The following MTERF1 variants were observed in gnomAD, a reference collection of about 807,000 sequenced individuals.
The protein encoded by MTERF1 is mitochondrial transcription termination factor 1.
MTERF1 carries 29 observed loss-of-function variants against 31.6 expected under a neutral mutation model. The observed-to-expected ratio is 0.92, with a 90% CI of 0.68 to 1.25. MTERF1 has a LOEUF of 1.25. MTERF1 is among the 50% of genes most tolerant of loss of function. MTERF1 has a pLI of 0.00. For synonymous variants in MTERF1, 152 were observed against 164.1 expected (o/e 0.93, Z 0.57); for missense variants, 500 against 469.1 (o/e 1.07, Z -0.61).
At chr7:91,875,690 GA>G (rs1789330005) in intron 2 of MTERF1, among the ~76,000 whole-genome samples, 1 of 151,964 alleles carries the variant, frequency 6.6e-6, no homozygotes, top group Non-Finnish European at 1.5e-5. Flanking sequence ...ATCTAGCCCT[GA>G]AAACCAACAC....
At position 91,873,007 on chromosome 7, in the gene MTERF1, A is replaced by C. The variant is rs1789220705; in HGVS notation, c.*587T>G. ...TTCCAGAAGGGTAGGTAGATTTTTT[A>C]AATATAATTACTCTTATAAAAGGAA... On this transcript the variant is annotated 3_prime_UTR_variant, in exon 3 of 3. Transcript: ENST00000351870. 1 of 152,230 alleles carries C rather than the reference A, an allele frequency of 6.6e-6. No individual in the cohort carries two copies. Among genetic ancestry groups the C allele is most frequent in the African/African-American group, 2.4e-5 (1 of 41,456 alleles). The allele number at this position is 152,230 out of a possible 1,614,324, so 9.4% of individuals were successfully genotyped here.
intron 1 of MTERF1, 32 bp from the exon 2 acceptor site, chr7:91,880,145 C>G (rs990486585): frequency 3.8e-6 from 6 of 1,566,074 alleles, no homozygotes; most frequent in Non-Finnish European, 5.2e-6. Flanking sequence ...AAAAAAAAGG[C>G]AAAATATTTC....
intron 2 of MTERF1, chr7:91,876,833 C>A (rs1789357855): frequency 1.1e-6 from 1 of 894,656 alleles, no homozygotes; most frequent in African/African-American, 1.8e-5. Flanking sequence ...AATTTAGAAA[C>A]TTTAAAATAT....
chr7:91,874,860 G>C, intron 2 of MTERF1, 96 bp from the exon 3 acceptor site: 4 of 836,976 alleles, frequency 4.8e-6, no homozygotes, highest in Non-Finnish European at 7.3e-6. Flanking sequence ...TCATTTCTAT[G>C]AGAATATACC....
Position 91,874,234 on chromosome 7 carries a change from C to T in MTERF1, c.560G>A (p.Gly187Glu). The change falls in exon 3 of 3, where the codon GGA becomes GAA. Residue 187 changes from glycine (G) to glutamate (E), a missense_variant. By Grantham distance (98) the Gly-to-Glu change is moderately conservative (BLOSUM62 -2). Coordinates refer to ENST00000351870, the MANE Select transcript of MTERF1 (RefSeq NM_006980.5). The part of the protein sequence containing the change: ...ENNIKFLYSV[G>E]LTRKCLCRLL... ...TCGACAAAGGCATTTACGGGTCAAT[C>T]CAACTGAGTAGAGGAACTTTATATT... is the stretch of plus-strand genomic sequence containing the variant. 6.2e-7 allele frequency: 1 copy of T among 1,614,038 alleles called. No homozygotes were observed. The highest frequency in any genetic ancestry group is 1.1e-5 in the South Asian group (1 of 91,070).
At chr7:91,877,089 A>G (rs1789363916) in intron 2 of MTERF1, 1 of 199,064 alleles carries the variant, frequency 5.0e-6, no homozygotes, top group Admixed American at 6.5e-5. Flanking sequence ...TTTATAATAT[A>G]AACAATATGA....
rs899392072 is a variant in MTERF1 at position 91,871,842 on chromosome 7, C to T, written c.*1752G>A. 1 of 152,116 alleles carries T rather than the reference C, an allele frequency of 6.6e-6. No individual in the cohort carries two copies. Among genetic ancestry groups the T allele is most frequent in the Admixed American group, 6.5e-5 (1 of 15,268 alleles). The allele number at this position is 152,116 out of a possible 1,614,324, so 9.4% of individuals were successfully genotyped here. A position where few individuals can be genotyped will look rare whatever the true frequency, so the allele number is the denominator to read the frequency against. ...CAAAACTCATGTTGAAATTTAATCC[C>T]CAATGTGGCAGTATTGAGAGGTGGG... On this transcript the variant is annotated 3_prime_UTR_variant, in exon 3 of 3. Coordinates refer to ENST00000351870, the MANE Select transcript of MTERF1 (RefSeq NM_006980.5).
In MTERF1 at chr7:91,876,587, T is replaced by A. The variant is rs145359523; in HGVS notation, c.30-1823A>T. Among the ~76,000 whole-genome samples the A allele has an allele frequency of 7.6e-4, 116 of 152,372 alleles. 1 individual carries two copies. Among genetic ancestry groups the A allele is most frequent in the Non-Finnish European group, 1.0e-4 (7 of 68,042 alleles). On this transcript the variant is annotated intron_variant, in intron 2 of 2. Transcript: ENST00000351870. ...ATTTTAACTAGAACTTGATTATGCCTACAGGCAGGGAACATTCCTGTGGCT... is the reference window on the plus strand; with the variant it reads ...ATTTTAACTAGAACTTGATTATGCCAACAGGCAGGGAACATTCCTGTGGCT...
Position 91,872,788 on chromosome 7 carries a change from TG to T in MTERF1, c.*805del, listed in dbSNP as rs1789213196. 2.0e-5 allele frequency: 3 copies of T among 152,212 alleles called. No homozygotes were observed. The highest frequency in any genetic ancestry group is 7.2e-5 in the African/African-American group (3 of 41,456). The allele number at this position is 152,212 out of a possible 1,614,324, so 9.4% of individuals were successfully genotyped here. ...GTATCTTGAAAATACCGACATTATC[TG>T]ATTTGCCATTTTTTAAGTCAATGCC... On this transcript the variant is annotated 3_prime_UTR_variant, in exon 3 of 3. Coordinates refer to ENST00000351870, the MANE Select transcript of MTERF1 (RefSeq NM_006980.5).
chr7:91,878,085 TAAC>T (rs758553266), intron 2 of MTERF1, among the ~76,000 whole-genome samples: 47 of 152,298 alleles, frequency 3.1e-4, no homozygotes, highest in Non-Finnish European at 5.9e-4. Context: ...CTCAAATCCT[TAAC>T]TTACTTTAAA....
chr7:91,873,518 A>G lies in MTERF1; in HGVS notation c.*76T>C. The G allele has an allele frequency of 8.0e-7, 1 of 1,256,058 alleles. No homozygotes were observed. 77.8% of individuals were successfully genotyped at this position (1,256,058 alleles called of 1,614,324 possible). A position where few individuals can be genotyped will look rare whatever the true frequency, so the allele number is the denominator to read the frequency against. ...AAGGCCCTTAATAACATTTTAAATT[A>G]ATCACTTCTGCAAAATTCTTTTGCA... On this transcript the variant is annotated 3_prime_UTR_variant, in exon 3 of 3. Transcript: ENST00000351870.
At position 91,873,768 on chromosome 7, in the gene MTERF1, A is replaced by C; in HGVS notation, c.1026T>G (p.Ile342Met). The C allele has an allele frequency of 6.2e-7, 1 of 1,614,112 alleles. No individual in the cohort carries two copies. The highest frequency in any genetic ancestry group is 8.5e-7 in the Non-Finnish European group (1 of 1,180,008). The change falls in exon 3 of 3, where the codon ATT becomes ATG. Residue 342 changes from isoleucine to methionine, a missense_variant. Transcript: ENST00000351870. ...IDCLMEENIS[I>M]SQIIENPRVL... ...CCCGAGGATTTTCGATTATTTGTGA[A>C]ATGCTAATGTTTTCTTCCATGAGGC... is the stretch of plus-strand genomic sequence containing the variant.
Position 91,874,383 on chromosome 7 carries a change from C to G in MTERF1, c.411G>C (p.Glu137Asp). The change falls in exon 3 of 3, where the codon GAG becomes GAC. Residue 137 changes from glutamate (E) to aspartate (D), a missense_variant. Coordinates refer to ENST00000351870, the MANE Select transcript of MTERF1 (RefSeq NM_006980.5). ...ACAGATCCCACCGTTTTGAAAGATTCTCGGGAGTACGTGTTATTGCTCGTG... is the reference window on the plus strand; with the variant it reads ...ACAGATCCCACCGTTTTGAAAGATTGTCGGGAGTACGTGTTATTGCTCGTG... Reference protein sequence around the residue: ...RYPRAITRTPENLSKRWDLWR... With the variant: ...RYPRAITRTPDNLSKRWDLWR... 18 of 1,614,110 alleles carry G rather than the reference C, an allele frequency of 1.1e-5. No homozygotes were observed. Among genetic ancestry groups the G allele is most frequent in the Non-Finnish European group, 1.5e-5 (18 of 1,180,028 alleles).
chr7:91,877,224 T>C (rs955602121), intron 2 of MTERF1, among the ~76,000 whole-genome samples: 3 of 152,230 alleles, frequency 2.0e-5, no homozygotes, highest in Non-Finnish European at 2.9e-5. Context: ...TTAGGACTAT[T>C]AGCATCATGG....
chr7:91,873,567 TC>T lies in MTERF1; in HGVS notation c.*26del, dbSNP rs1789237627. The T allele has an allele frequency of 6.5e-7, 1 of 1,543,242 alleles. No individual in the cohort carries two copies. Among genetic ancestry groups the T allele is most frequent in the African/African-American group, 1.4e-5 (1 of 72,418 alleles). On this transcript the variant is annotated 3_prime_UTR_variant, in exon 3 of 3. Transcript: ENST00000351870. ...CAATGTGGCATAACATATTCACAGT[TC>T]CTGAGAATTAAAAACATTGGCATCC... is the stretch of plus-strand genomic sequence containing the variant.
In MTERF1 at chr7:91,880,247, ATT is replaced by A. The variant is rs1269206937; in HGVS notation, c.-30-136_-30-135del. On this transcript the variant is annotated intron_variant, in intron 1 of 2. Coordinates refer to ENST00000351870, the MANE Select transcript of MTERF1 (RefSeq NM_006980.5). ...AGATGCATTACCTCTTGCAAACAAC[ATT>A]TCTCAGACATACAGAAAAGAAAACG... The A allele has an allele frequency of 7.5e-6, 5 of 665,550 alleles. No individual in the cohort carries two copies. In the African/African-American group the frequency reaches 9.1e-5, roughly 12 times the overall value. The allele number at this position is 665,550 out of a possible 1,614,324, so 41.2% of individuals were successfully genotyped here. A position where few individuals can be genotyped will look rare whatever the true frequency, so the allele number is the denominator to read the frequency against.
chr7:91,880,603 C>T (rs555278983), intron 1 of MTERF1, 54 bp downstream of exon 1: 1 of 153,772 alleles, frequency 6.5e-6, no homozygotes, highest in South Asian at 2.0e-4. Flanking sequence ...CACCCACACC[C>T]ACTTCTTAAC....
rs1422115349 is a variant in MTERF1 at position 91,880,119 on chromosome 7, A to G, written c.-30-6T>C. ...AGGCTGGAGAACAGCTATCTCTGGA[A>G]ATGACACACACACACAAAAAAAAGG... On this transcript the variant is annotated splice_region_variant and splice_polypyrimidine_tract_variant and intron_variant, in intron 1 of 2. Transcript: ENST00000351870. The G allele has an allele frequency of 1.9e-6, 3 of 1,612,228 alleles. No homozygotes were observed. The highest frequency in any genetic ancestry group is 1.7e-6 in the Non-Finnish European group (2 of 1,179,358).
intron 2 of MTERF1, among the ~76,000 whole-genome samples, chr7:91,875,417 TTTTTTA>T (rs550925724): frequency 5.9e-5 from 9 of 152,004 alleles, no homozygotes; most frequent in Non-Finnish European, 1.3e-4. Flanking sequence ...GCCCAGCTGA[TTTTTTA>T]TTTTTATTTT....
Sources: allele counts gnomAD v4.1 joint callset (sites outside exome capture counted in the v4.1 genomes callset), GRCh38; gene constraint gnomAD v4.1.1; transcripts MANE v1.5; gene names NCBI Gene and HGNC (gene_info 2026-07-23, HGNC 2026-07-21).